The following PLEKHA8 variants were observed in gnomAD, a reference collection of about 807,000 sequenced individuals.
PLEKHA8 encodes pleckstrin homology domain-containing family A member 8.
A neutral mutation model predicts 68.2 loss-of-function variants in PLEKHA8; 36 were observed. The observed-to-expected ratio is 0.53, with a 90% CI of 0.40 to 0.70. PLEKHA8 has a LOEUF of 0.70. Among genes scored for constraint, PLEKHA8 ranks in the 30% least tolerant of loss-of-function variants. PLEKHA8 has a pLI of 0.00. For synonymous variants in PLEKHA8, 211 were observed against 216.1 expected, an observed-to-expected ratio of 0.98 and a Z score of 0.20; for missense variants, 505 against 615.4, an observed-to-expected ratio of 0.82 and a Z score of 1.90.
In PLEKHA8 at chr7:30,078,095, A is replaced by G. The variant is rs189842909; in HGVS notation, c.1363-495A>G. ...ATGTTAGCTCCCTTCCTTTCTAGAA[A>G]GCATTCAAGAGTGCAAAGGAAAGAT... On this transcript the variant is annotated intron_variant, in intron 13 of 13. Coordinates refer to ENST00000449726, the MANE Select transcript of PLEKHA8 (RefSeq NM_001197026.2). 3.0e-3 allele frequency among the ~76,000 whole-genome samples: 462 copies of G among 152,342 alleles called. 3 individuals are homozygous for G. Among genetic ancestry groups the G allele is most frequent in the Non-Finnish European group, 4.8e-3 (326 of 68,028 alleles).
intron 13 of PLEKHA8, among the ~76,000 whole-genome samples, chr7:30,125,410 G>A (rs1228855805): frequency 6.6e-6 from 1 of 152,124 alleles, no homozygotes; most frequent in African/African-American, 2.4e-5. Flanking sequence ...AGTTTATTGG[G>A]ATTTAACCTC....
rs958308994 is a variant in PLEKHA8 at position 30,082,909 on chromosome 7, T to C, written c.*4122T>C. Reference sequence around the variant, plus strand: ...AAGTTTTTTTCCTAGCAAACTACCATGTCCTACAAGAACTTGGTTATATAA... The same window carrying C: ...AAGTTTTTTTCCTAGCAAACTACCACGTCCTACAAGAACTTGGTTATATAA... On this transcript the variant is annotated 3_prime_UTR_variant, in exon 14 of 14. Coordinates refer to ENST00000449726, the MANE Select transcript of PLEKHA8 (RefSeq NM_001197026.2). 10 of 985,192 alleles carry C rather than the reference T, an allele frequency of 1.0e-5. No homozygotes were observed. Among genetic ancestry groups the C allele is most frequent in the East Asian group, 1.1e-4 (1 of 8,824 alleles). 61.0% of individuals were successfully genotyped at this position (985,192 alleles called of 1,614,324 possible).
chr7:30,104,301 C>T (rs1019463070), intron 13 of PLEKHA8, among the ~76,000 whole-genome samples: 1 of 152,042 alleles, frequency 6.6e-6, no homozygotes, highest in African/African-American at 2.4e-5. Context: ...ACTCCATGAC[C>T]CAGCAATAAC....
At chr7:30,119,994 T>C (rs938108149) in intron 13 of PLEKHA8, among the ~76,000 whole-genome samples, 2 of 152,078 alleles carry the variant, frequency 1.3e-5, no homozygotes, top group Non-Finnish European at 2.9e-5. Context: ...TATTCTCAGC[T>C]CTGAGAATAT....
At chr7:30,074,299 T>A (rs981495228) in intron 13 of PLEKHA8, among the ~76,000 whole-genome samples, 167 bp downstream of exon 13, 1 of 150,642 alleles carries the variant, frequency 6.6e-6, no homozygotes, top group Non-Finnish European at 1.5e-5. Flanking sequence ...GTTTGCTTTG[T>A]TTTTGAGGAT....
rs372240752 is a variant in PLEKHA8, at chr7:30,059,348, T to C, written c.1040-1536T>C. On this transcript the variant is annotated intron_variant, in intron 9 of 13. Coordinates refer to ENST00000449726, the MANE Select transcript of PLEKHA8 (RefSeq NM_001197026.2). ...GTACATGCAAATTATGTTTATATGC[T>C]GAGTTGTTTTTATAATCATGAATGA... 5.3e-5 allele frequency among the ~76,000 whole-genome samples: 8 copies of C among 152,364 alleles called. No individual in the cohort carries two copies. In the East Asian group the frequency reaches 1.5e-3, roughly 29 times the overall value.
At chr7:30,041,614 T>C (rs1583784649) in intron 1 of PLEKHA8, among the ~76,000 whole-genome samples, 1 of 152,010 alleles carries the variant, frequency 6.6e-6, no homozygotes, top group East Asian at 1.9e-4. Context: ...AGGCTGGTTT[T>C]GAACTCCCAG....
Position 30,053,075 on chromosome 7 carries a change from A to G in PLEKHA8, c.796+209A>G, listed in dbSNP as rs187521599. On this transcript the variant is annotated intron_variant, in intron 7 of 13. Coordinates refer to ENST00000449726, the MANE Select transcript of PLEKHA8 (RefSeq NM_001197026.2). ...GTTGAGAAGGCAGAGTGAAAAGAGG[A>G]AGATTCCTGCTCAGTGTTCTTGGCT... is the stretch of plus-strand genomic sequence containing the variant. Among the ~76,000 whole-genome samples the G allele has an allele frequency of 2.6e-5, 4 of 152,344 alleles. No individual in the cohort carries two copies. In the East Asian group the frequency reaches 7.7e-4, roughly 29 times the overall value.
exon 14 of PLEKHA8, chr7:30,129,454 C>A (rs975517900): frequency 2.2e-6 from 2 of 907,570 alleles, no homozygotes; most frequent in African/African-American, 3.3e-5. Flanking sequence ...CAAAGAGAAA[C>A]TTTATCTTGT....
intron 13 of PLEKHA8, among the ~76,000 whole-genome samples, chr7:30,110,485 T>TACC (rs1796236677): frequency 6.6e-6 from 1 of 152,256 alleles, no homozygotes; most frequent in African/African-American, 2.4e-5. Context: ...AATATTTGTG[T>TACC]ACCAGTCATC....
intron 9 of PLEKHA8, among the ~76,000 whole-genome samples, chr7:30,058,013 T>C (rs139280286): frequency 6.6e-6 from 1 of 152,376 alleles, no homozygotes; most frequent in East Asian, 1.9e-4. Flanking sequence ...TTTAGTGGTA[T>C]TTCATTGTGG....
chr7:30,105,878 G>A (rs762323388), intron 13 of PLEKHA8, among the ~76,000 whole-genome samples: 14 of 152,150 alleles, frequency 9.2e-5, no homozygotes, highest in Admixed American at 2.0e-4. Context: ...TTTTCACTTT[G>A]TATGTCATTC....
At chr7:30,089,262 C>T (rs939993765), downstream of PLEKHA8, among the ~76,000 whole-genome samples, 4 of 152,110 alleles carry the variant, frequency 2.6e-5, no homozygotes, top group African/African-American at 7.2e-5. Context: ...TACTTCCACA[C>T]CACGATGGAA....
chr7:30,111,766 C>T (rs1583480588), intron 13 of PLEKHA8, among the ~76,000 whole-genome samples: 4 of 152,234 alleles, frequency 2.6e-5, no homozygotes, highest in African/African-American at 9.6e-5. Flanking sequence ...ACTACCGGTG[C>T]ATGCCACCAC....
At chr7:30,117,948 GA>G in intron 13 of PLEKHA8, 1 of 1,495,510 alleles carries the variant, frequency 6.7e-7, no homozygotes, top group Non-Finnish European at 9.0e-7. Context: ...TAAAAACTGA[GA>G]CGTGGATTCA....
chr7:30,105,632 A>G (rs1474245132), intron 13 of PLEKHA8, among the ~76,000 whole-genome samples: 1 of 152,362 alleles, frequency 6.6e-6, no homozygotes, highest in East Asian at 1.9e-4. Context: ...TAGAAAACAT[A>G]CAAAGGATAT....
At chr7:30,058,707 A>C (rs1229270531) in intron 9 of PLEKHA8, among the ~76,000 whole-genome samples, 1 of 152,048 alleles carries the variant, frequency 6.6e-6, no homozygotes, top group Non-Finnish European at 1.5e-5. Flanking sequence ...CTTTTTCAAG[A>C]TTGTTATGGA....
At position 30,071,201 on chromosome 7, in the gene PLEKHA8, T is replaced by C. The variant is rs1038794452; in HGVS notation, c.1301-2870T>C. On this transcript the variant is annotated intron_variant, in intron 12 of 13. Coordinates refer to ENST00000449726, the MANE Select transcript of PLEKHA8 (RefSeq NM_001197026.2). ...AAAAAAGCGATAAATGTTATATTTTTCAAAACTTCCACTGTGCCTTAGGTG... is the reference window on the plus strand; with the variant it reads ...AAAAAAGCGATAAATGTTATATTTTCCAAAACTTCCACTGTGCCTTAGGTG... 1.2e-4 allele frequency among the ~76,000 whole-genome samples: 18 copies of C among 152,350 alleles called. No individual in the cohort carries two copies. The South Asian group carries it at 1.5e-3, about 12-fold the overall frequency.
At chr7:30,119,558 C>T (rs1796661839) in intron 13 of PLEKHA8, among the ~76,000 whole-genome samples, 1 of 152,212 alleles carries the variant, frequency 6.6e-6, no homozygotes, top group Non-Finnish European at 1.5e-5. Flanking sequence ...AATAAGAGCA[C>T]TCTCCATTCA....
Sources: allele counts gnomAD v4.1 joint callset (sites outside exome capture counted in the v4.1 genomes callset), GRCh38; gene constraint gnomAD v4.1.1; transcripts MANE v1.5; gene names NCBI Gene and HGNC (gene_info 2026-07-23, HGNC 2026-07-21).